DGAT1: variants seen among roughly 807,000 people sequenced by gnomAD.
DGAT1 encodes the protein diacylglycerol O-acyltransferase 1, also known as ACAT related gene product 1.
DGAT1 carries 60 observed loss-of-function variants against 72.6 expected under a neutral mutation model. The observed-to-expected ratio is 0.83, with a 90% CI of 0.67 to 1.02. The LOEUF is 1.02. Among genes scored for constraint, DGAT1 ranks in the 50% least tolerant of loss-of-function variants. DGAT1 has a pLI of 0.00. For missense variants in DGAT1, 592 were observed against 670.0 expected (o/e 0.88, Z 1.29); for synonymous variants, 290 against 267.5 (o/e 1.08, Z -0.82).
At chr8:144,317,466 G>T in intron 12 of DGAT1, 21 bp from the exon 13 acceptor site, 1 of 1,613,642 alleles carries the variant, frequency 6.2e-7, no homozygotes, top group Non-Finnish European at 8.5e-7. Context: ...GGTGGGGGTG[G>T]GCACCAAGTT....
chr8:144,315,311 T>A lies in DGAT1; in HGVS notation c.*1243A>T. ...CCTCAGCAGGGCCCAAGGAGATGCCTCCATCTCAGGGCCCACCAGCCCCCA... is the reference window on the plus strand; with the variant it reads ...CCTCAGCAGGGCCCAAGGAGATGCCACCATCTCAGGGCCCACCAGCCCCCA... On this transcript the variant is annotated 3_prime_UTR_variant, in exon 17 of 17. Coordinates refer to ENST00000528718, the MANE Select transcript of DGAT1 (RefSeq NM_012079.6). The A allele has an allele frequency of 1.0e-6, 1 of 985,322 alleles. No homozygotes were observed. Among genetic ancestry groups the A allele is most frequent in the Non-Finnish European group, 1.2e-6 (1 of 829,896 alleles). The allele number at this position is 985,322 out of a possible 1,614,324, so 61.0% of individuals were successfully genotyped here. A position where few individuals can be genotyped will look rare whatever the true frequency, so the allele number is the denominator to read the frequency against.
Position 144,316,539 on chromosome 8 carries a change from G to T in DGAT1, c.*15C>A. On this transcript the variant is annotated 3_prime_UTR_variant, in exon 17 of 17. Coordinates refer to ENST00000528718, the MANE Select transcript of DGAT1 (RefSeq NM_012079.6). ...GTGTGAGGTGGCAGTGAGAAGCCAG[G>T]CCCTCAGGTGCAGCTCAGGCCTCTG... 1 of 1,574,272 alleles carries T rather than the reference G, an allele frequency of 6.4e-7. No homozygotes were observed.
At chr8:144,319,229 G>T (rs991653160) in intron 2 of DGAT1, among the ~76,000 whole-genome samples, 161 bp from the exon 3 acceptor site, 1 of 152,196 alleles carries the variant, frequency 6.6e-6, no homozygotes, top group African/African-American at 2.4e-5. Flanking sequence ...CAAGCTCTGA[G>T]ACTCAGCACC....
intron 1 of DGAT1, 132 bp downstream of exon 1, chr8:144,326,305 G>T: frequency 1.2e-6 from 1 of 849,398 alleles, no homozygotes; most frequent in Non-Finnish European, 1.6e-6. Context: ...TTTCCCCACA[G>T]GGCCCATAGG....
In DGAT1 at chr8:144,318,496, G is replaced by C; in HGVS notation, c.539C>G (p.Ala180Gly). The C allele has an allele frequency of 6.2e-7, 1 of 1,611,536 alleles. No homozygotes were observed. The highest frequency in any genetic ancestry group is 8.5e-7 in the Non-Finnish European group (1 of 1,179,892). ...AGACTCAACCAGTAAGACCACAGCC[G>C]CTGGGAAACACAGAATGGTGGCCAG... is the stretch of plus-strand genomic sequence containing the variant. ...ANLATILCFPAAVVLLVESIT... is the reference protein window; with the variant it reads ...ANLATILCFPGAVVLLVESIT... The change falls in exon 6 of 17, where the codon GCG becomes GGG. Residue 180 changes from alanine (A) to glycine (G), a missense_variant. Transcript: ENST00000528718.
rs558749016 is a variant in DGAT1 at position 144,326,689 on chromosome 8, C to A, written c.-53G>T. The A allele has an allele frequency of 1.6e-5, 18 of 1,136,576 alleles. No individual in the cohort carries two copies. In the African/African-American group the frequency reaches 2.6e-4, roughly 17 times the overall value. The allele number at this position is 1,136,576 out of a possible 1,614,324, so 70.4% of individuals were successfully genotyped here. A position where few individuals can be genotyped will look rare whatever the true frequency, so the allele number is the denominator to read the frequency against. On this transcript the variant is annotated 5_prime_UTR_variant, in exon 1 of 17. Coordinates refer to ENST00000528718, the MANE Select transcript of DGAT1 (RefSeq NM_012079.6). ...AAGCGTGGGCCCGCCGGGTTCGTAG[C>A]GCCCGAGGCGCGCGGCCCCACCTCC...
At chr8:144,325,147 G>C (rs1554848648) in intron 1 of DGAT1, among the ~76,000 whole-genome samples, 1 of 151,998 alleles carries the variant, frequency 6.6e-6, no homozygotes, top group African/African-American at 2.4e-5. Flanking sequence ...CTCCTGGAGA[G>C]AGGGTAACTC....
chr8:144,316,839 TG>T lies in DGAT1; in HGVS notation c.1311+13del. 1 of 1,607,278 alleles carries T rather than the reference TG, an allele frequency of 6.2e-7. No individual in the cohort carries two copies. ...TAACTGGGCGAGTGAGGAGGCCACG[TG>T]GGGGTCACTCACCTGAGCCATCATG... is the stretch of plus-strand genomic sequence containing the variant. On this transcript the variant is annotated intron_variant, in intron 16 of 16. Transcript: ENST00000528718.
At chr8:144,322,763 C>T (rs1448175398) in intron 1 of DGAT1, among the ~76,000 whole-genome samples, 1 of 152,200 alleles carries the variant, frequency 6.6e-6, no homozygotes, top group Non-Finnish European at 1.5e-5. Context: ...CTCCACCCAG[C>T]CCCTGCCTCT....
Position 144,315,277 on chromosome 8 carries a change from T to C in DGAT1, c.*1277A>G. On this transcript the variant is annotated 3_prime_UTR_variant, in exon 17 of 17. Transcript: ENST00000528718. ...ATCCCCCCACCAGGAGCTCACCCAC[T>C]ACTGCCATCCTCAGCAGGGCCCAAG... is the stretch of plus-strand genomic sequence containing the variant. 1 of 985,482 alleles carries C rather than the reference T, an allele frequency of 1.0e-6. No individual in the cohort carries two copies. The highest frequency in any genetic ancestry group is 1.2e-6 in the Non-Finnish European group (1 of 829,950). 61.0% of individuals were successfully genotyped at this position (985,482 alleles called of 1,614,324 possible).
chr8:144,320,817 G>A (rs1554848036), intron 2 of DGAT1, among the ~76,000 whole-genome samples: 1 of 152,086 alleles, frequency 6.6e-6, no homozygotes, highest in Non-Finnish European at 1.5e-5. Context: ...TGGTGGCCAG[G>A]CCTGCAGGGC....
At position 144,315,274 on chromosome 8, in the gene DGAT1, C is replaced by T. The variant is rs782709778; in HGVS notation, c.*1280G>A. On this transcript the variant is annotated 3_prime_UTR_variant, in exon 17 of 17. Transcript: ENST00000528718. Reference sequence around the variant, plus strand: ...CCCATCCCCCCACCAGGAGCTCACCCACTACTGCCATCCTCAGCAGGGCCC... The same window carrying T: ...CCCATCCCCCCACCAGGAGCTCACCTACTACTGCCATCCTCAGCAGGGCCC... The T allele has an allele frequency of 2.0e-6, 2 of 985,384 alleles. No individual in the cohort carries two copies. Among genetic ancestry groups the T allele is most frequent in the African/African-American group, 1.7e-5 (1 of 57,236 alleles). The allele number at this position is 985,384 out of a possible 1,614,324, so 61.0% of individuals were successfully genotyped here. A position where few individuals can be genotyped will look rare whatever the true frequency, so the allele number is the denominator to read the frequency against.
chr8:144,319,833 C>A (rs1374450094), intron 2 of DGAT1, among the ~76,000 whole-genome samples: 1 of 152,216 alleles, frequency 6.6e-6, no homozygotes, highest in Non-Finnish European at 1.5e-5. Context: ...TAAGCTGGGC[C>A]CCAATGCCGC....
rs374096688 is a variant in DGAT1 at position 144,316,941 on chromosome 8, C to T, written c.1249-26G>A. The T allele has an allele frequency of 2.8e-4, 447 of 1,612,392 alleles. 1 individual carries two copies. The highest frequency in any genetic ancestry group is 8.0e-5 in the Non-Finnish European group (94 of 1,179,776). ...CTGAGATGGGAGGGAGAGAGGATGCCAGGGAGTGGGGTGTCAGCCGTCCCT... is the reference window on the plus strand; with the variant it reads ...CTGAGATGGGAGGGAGAGAGGATGCTAGGGAGTGGGGTGTCAGCCGTCCCT... On this transcript the variant is annotated intron_variant, in intron 15 of 16. Transcript: ENST00000528718.
At chr8:144,322,501 C>G (rs560396080) in intron 1 of DGAT1, among the ~76,000 whole-genome samples, 10 of 152,318 alleles carry the variant, frequency 6.6e-5, no homozygotes, top group African/African-American at 2.4e-4. Context: ...TCAGGGCACC[C>G]AAGGCAAGCT....
chr8:144,318,180 A>G lies in DGAT1; in HGVS notation c.677-11T>C. The G allele has an allele frequency of 6.2e-7, 1 of 1,608,408 alleles. No individual in the cohort carries two copies. The highest frequency in any genetic ancestry group is 8.5e-7 in the Non-Finnish European group (1 of 1,177,174). On this transcript the variant is annotated splice_polypyrimidine_tract_variant and intron_variant, in intron 7 of 16. Coordinates refer to ENST00000528718, the MANE Select transcript of DGAT1 (RefSeq NM_012079.6). ...TCTTCCCTGCAGAGGCTACGAGCAC[A>G]GCAGAGTGGGAGGGGGCTGGTGGGG...
chr8:144,318,470 T>A lies in DGAT1; in HGVS notation c.565A>T (p.Ile189Phe), dbSNP rs782798411. The A allele has an allele frequency of 6.2e-7, 1 of 1,611,118 alleles. No homozygotes were observed. Among genetic ancestry groups the A allele is most frequent in the East Asian group, 2.2e-5 (1 of 44,836 alleles). ...PAAVVLLVES[I>F]TPVGSLLALM... is the part of the protein sequence containing the mutation. The stretch of plus-strand genomic sequence containing the variant: ...TGGGATGGGGGCGCACCTGGAGTGA[T>A]AGACTCAACCAGTAAGACCACAGCC... The change falls in exon 6 of 17, where the codon ATC (isoleucine) becomes TTC (phenylalanine). Residue 189 changes from isoleucine (I) to phenylalanine (F), a missense_variant. Ile to Phe is a conservative substitution (Grantham distance 21). Transcript: ENST00000528718.
rs376764170 is a variant in DGAT1 at position 144,317,943 on chromosome 8, G to A, written c.826C>T (p.Arg276Cys). 18 of 1,519,384 alleles carry A rather than the reference G, an allele frequency of 1.2e-5. No homozygotes were observed. The highest frequency in any genetic ancestry group is 7.0e-5 in the African/African-American group (5 of 71,846). 94.1% of individuals were successfully genotyped at this position (1,519,384 alleles called of 1,614,324 possible). A position where few individuals can be genotyped will look rare whatever the true frequency, so the allele number is the denominator to read the frequency against. ...NFPRSPRIRK[R>C]FLLRRILEML... ...TCAAGGATCCGTCGCAGCAGAAAGC[G>A]CTTCCGGATGCGGGGAGAGCGGGGA... The change falls in exon 9 of 17, where the codon CGC becomes TGC. Residue 276 changes from arginine to cysteine, a missense_variant. Transcript: ENST00000528718.
At chr8:144,324,796 G>A (rs1817553761) in intron 1 of DGAT1, among the ~76,000 whole-genome samples, 1 of 151,926 alleles carries the variant, frequency 6.6e-6, no homozygotes, top group Non-Finnish European at 1.5e-5. Flanking sequence ...GGCCGGGCGC[G>A]GTGGCTCACA....
Sources: allele counts gnomAD v4.1 joint callset (sites outside exome capture counted in the v4.1 genomes callset), GRCh38; gene constraint gnomAD v4.1.1; transcripts MANE v1.5; gene names NCBI Gene and HGNC (gene_info 2026-07-23, HGNC 2026-07-21).